The following DPYD variants were observed in gnomAD, a reference collection of about 807,000 sequenced individuals.
The protein encoded by DPYD is dihydropyrimidine dehydrogenase [NADP(+)].
A neutral mutation model predicts 116.2 loss-of-function variants in DPYD; 109 were observed. The ratio of observed to expected loss-of-function variants is 0.94; its 90% confidence interval spans 0.80 to 1.10. The LOEUF (loss-of-function observed/expected upper bound fraction) is 1.10, where lower values mean the gene tolerates loss of function less well. Among genes scored for constraint, DPYD ranks in the 50% least tolerant of loss-of-function variants. The pLI is 0.00. For synonymous variants in DPYD, 440 were observed against 432.0 expected (o/e 1.02, Z -0.23); for missense variants, 1,302 against 1,254.5 (o/e 1.04, Z -0.57).
intron 15 of DPYD, among the ~76,000 whole-genome samples, chr1:97,375,624 T>G (rs1396911013): frequency 6.6e-6 from 1 of 152,186 alleles, no homozygotes; most frequent in African/African-American, 2.4e-5. Flanking sequence ...GAACCCTGAG[T>G]TCTAATCTTA....
chr1:97,633,847 G>A (rs1035448196), intron 8 of DPYD, among the ~76,000 whole-genome samples: 1 of 152,000 alleles, frequency 6.6e-6, no homozygotes, highest in Non-Finnish European at 1.5e-5. Context: ...GGAATAGTCG[G>A]GTTATATTAG....
intron 8 of DPYD, among the ~76,000 whole-genome samples, chr1:97,632,297 C>T (rs187725410): frequency 2.0e-5 from 3 of 152,180 alleles, no homozygotes; most frequent in Admixed American, 6.6e-5. Flanking sequence ...GGAACATTAG[C>T]GTTATCATAG....
rs186770644 is a variant in DPYD at position 97,302,883 on chromosome 1, C to G, written c.2299+2376G>C. Reference sequence around the variant, plus strand: ...CATAGTATACTCATGAGTTGGGAACCAACCTTTGAAAGACATTGCTCTCAA... The same window carrying G: ...CATAGTATACTCATGAGTTGGGAACGAACCTTTGAAAGACATTGCTCTCAA... On this transcript the variant is annotated intron_variant, in intron 18 of 22. Coordinates refer to ENST00000370192, the MANE Select transcript of DPYD (RefSeq NM_000110.4). 3.1e-4 allele frequency among the ~76,000 whole-genome samples: 47 copies of G among 152,046 alleles called. No homozygotes were observed. The East Asian group carries it at 8.8e-3, about 28-fold the overall frequency.
chr1:97,382,827 C>T (rs1672053326), intron 14 of DPYD, among the ~76,000 whole-genome samples: 2 of 151,942 alleles, frequency 1.3e-5, no homozygotes, highest in Non-Finnish European at 2.9e-5. Context: ...TCTAATTATA[C>T]AATGCCATTA....
At position 97,775,355 on chromosome 1, in the gene DPYD, T is replaced by C. The variant is rs1248668201; in HGVS notation, c.234-34876A>G. Among the ~76,000 whole-genome samples the C allele has an allele frequency of 2.0e-5, 3 of 152,186 alleles. No homozygotes were observed. The East Asian group carries it at 5.8e-4, about 29-fold the overall frequency. ...TTATCTTCTGATATATGGAAGTGAA[T>C]AGGTGAAGCCACCTAAATTTCCCCC... On this transcript the variant is annotated intron_variant, in intron 3 of 22. Coordinates refer to ENST00000370192, the MANE Select transcript of DPYD (RefSeq NM_000110.4).
At chr1:97,593,474 T>A in intron 9 of DPYD, 87 bp from the exon 10 acceptor site, 1 of 1,495,040 alleles carries the variant, frequency 6.7e-7, no homozygotes, top group Non-Finnish European at 9.2e-7. Context: ...CAAAGCAGTG[T>A]AAAATTGCAT....
At chr1:97,463,742 G>T (rs1302476317) in intron 13 of DPYD, among the ~76,000 whole-genome samples, 1 of 152,190 alleles carries the variant, frequency 6.6e-6, no homozygotes, top group Non-Finnish European at 1.5e-5. Context: ...GGAACTACAG[G>T]AAAGGTGACT....
In DPYD at chr1:97,871,093, T is replaced by G. The variant is rs944529173; in HGVS notation, c.150+12171A>C. ...CTGTATTTTCCCATATGCAAAGATG[T>G]TTCTTATTTGCAAATACAGTAATAT... On this transcript the variant is annotated intron_variant, in intron 2 of 22. Coordinates refer to ENST00000370192, the MANE Select transcript of DPYD (RefSeq NM_000110.4). Among the ~76,000 whole-genome samples, 6 of 152,108 alleles carry G rather than the reference T, an allele frequency of 3.9e-5. No homozygotes were observed. The South Asian group carries it at 8.3e-4, about 21-fold the overall frequency.
intron 20 of DPYD, among the ~76,000 whole-genome samples, chr1:97,159,436 C>T (rs970778967): frequency 2.0e-5 from 3 of 151,776 alleles, no homozygotes; most frequent in South Asian, 4.1e-4. Flanking sequence ...ACTTGTGGAA[C>T]AATCTTTGAA....
chr1:97,598,453 T>C (rs1013277929), intron 8 of DPYD, among the ~76,000 whole-genome samples: 9 of 152,222 alleles, frequency 5.9e-5, no homozygotes, highest in African/African-American at 2.2e-4. Context: ...GTAGTAGATA[T>C]GTATAGTCTT....
intron 20 of DPYD, among the ~76,000 whole-genome samples, chr1:97,138,128 A>G (rs1018334039): frequency 6.6e-6 from 1 of 152,130 alleles, no homozygotes; most frequent in African/African-American, 2.4e-5. Flanking sequence ...CACAGTTGTA[A>G]TCTGGATATT....
intron 3 of DPYD, among the ~76,000 whole-genome samples, chr1:97,782,982 G>A (rs1235147726): frequency 6.6e-6 from 1 of 152,194 alleles, no homozygotes; most frequent in Non-Finnish European, 1.5e-5. Flanking sequence ...GGTGGGCACT[G>A]GAGAATTCTG....
rs886046578 is a variant in DPYD at position 97,549,758 on chromosome 1, T to G, written c.1340-14A>C. 3 of 1,609,592 alleles carry G rather than the reference T, an allele frequency of 1.9e-6. No homozygotes were observed. The African/African-American group carries it at 4.0e-5, about 21-fold the overall frequency. On this transcript the variant is annotated splice_polypyrimidine_tract_variant and intron_variant, in intron 11 of 22. Coordinates refer to ENST00000370192, the MANE Select transcript of DPYD (RefSeq NM_000110.4). ...AGGCTTCTTTTACTGAAAAAACAAG[T>G]GAAAAACAATAGACAATCACTAGTC...
chr1:97,827,997 T>C, intron 3 of DPYD, 117 bp downstream of exon 3: 3 of 1,015,920 alleles, frequency 3.0e-6, no homozygotes, highest in Non-Finnish European at 4.5e-6. Context: ...ACTGACAAAT[T>C]AATACCTTAG....
chr1:97,912,081 C>T (rs759171234), intron 1 of DPYD, among the ~76,000 whole-genome samples: 10 of 152,080 alleles, frequency 6.6e-5, no homozygotes, highest in Non-Finnish European at 8.8e-5. Flanking sequence ...ATGAGGCAAA[C>T]GGTTAAACTG....
chr1:97,595,051 T>C lies in DPYD; in HGVS notation c.958+8A>G, dbSNP rs1654781833. ...TCACTATTAAGCATAAAAGACAATA[T>C]GTTATACCTGCTTTACTGCCTTTGG... On this transcript the variant is annotated splice_region_variant and intron_variant, in intron 9 of 22. Transcript: ENST00000370192. 1.9e-6 allele frequency: 3 copies of C among 1,600,904 alleles called. No individual in the cohort carries two copies. Among genetic ancestry groups the C allele is most frequent in the African/African-American group, 1.3e-5 (1 of 74,612 alleles).
intron 11 of DPYD, among the ~76,000 whole-genome samples, chr1:97,560,104 G>A (rs1557798908): frequency 1.3e-5 from 2 of 152,134 alleles, no homozygotes; most frequent in Admixed American, 6.6e-5. Context: ...GACCTCAGAT[G>A]AAGGCACTGC....
intron 19 of DPYD, among the ~76,000 whole-genome samples, chr1:97,209,622 C>G (rs1659904151): frequency 6.6e-6 from 1 of 152,106 alleles, no homozygotes; most frequent in African/African-American, 2.4e-5. Context: ...ACCTCATATT[C>G]ATTGCTACAT....
At chr1:97,227,767 C>G (rs11165810) in intron 19 of DPYD, among the ~76,000 whole-genome samples, 1 of 151,332 alleles carries the variant, frequency 6.6e-6, no homozygotes, top group Non-Finnish European at 1.5e-5. Flanking sequence ...CACTATATAC[C>G]GAAGTATGTT....
Sources: allele counts gnomAD v4.1 joint callset (sites outside exome capture counted in the v4.1 genomes callset), GRCh38; gene constraint gnomAD v4.1.1; transcripts MANE v1.5; gene names NCBI Gene and HGNC (gene_info 2026-07-23, HGNC 2026-07-21).